Variants in SNTG1 observed in about 807,000 individuals in gnomAD.
The protein encoded by SNTG1 is syntrophin gamma 1, also known as gamma-1-syntrophin.
Under a neutral mutation model 74.7 loss-of-function variants are expected in SNTG1, and 39 were observed. That is an observed-to-expected ratio of 0.52 (90% CI 0.40 to 0.68). SNTG1 has a LOEUF of 0.68. Ranked by LOEUF, SNTG1 falls within the 30% of genes least tolerant of loss-of-function variation. SNTG1 has a pLI of 0.00. For missense variants in SNTG1, 685 were observed against 609.5 expected (o/e 1.12, Z -1.30); for synonymous variants, 254 against 217.1 (o/e 1.17, Z -1.49).
At chr8:50,547,362 A>G (rs1181987920) in intron 11 of SNTG1, among the ~76,000 whole-genome samples, 1 of 152,178 alleles carries the variant, frequency 6.6e-6, no homozygotes, top group African/African-American at 2.4e-5. Flanking sequence ...TTCGTCTGGC[A>G]TAAACCTCTT....
At chr8:49,992,823 T>C (rs1411077459) in intron 1 of SNTG1, among the ~76,000 whole-genome samples, 3 of 152,212 alleles carry the variant, frequency 2.0e-5, no homozygotes, top group Non-Finnish European at 4.4e-5. Context: ...TAGTTCAAAA[T>C]ATAATGCTGA....
At chr8:50,381,209 T>C (rs1188625216) in intron 2 of SNTG1, 1 of 152,070 alleles carries the variant, frequency 6.6e-6, no homozygotes, top group Non-Finnish European at 1.5e-5. Context: ...ATTATTTTCA[T>C]AGGGGCTTTT....
intron 2 of SNTG1, among the ~76,000 whole-genome samples, chr8:50,181,380 A>C (rs1025894547): frequency 6.6e-6 from 1 of 152,220 alleles, no homozygotes; most frequent in Non-Finnish European, 1.5e-5. Context: ...TTGCTTTAAT[A>C]TAATTTCAGC....
intron 2 of SNTG1, among the ~76,000 whole-genome samples, chr8:50,276,371 TTTTATATATATATA>T (rs1481690982): frequency 1.3e-5 from 1 of 78,382 alleles, no homozygotes; most frequent in African/African-American, 5.3e-5. Flanking sequence ...TGCAAGTAAA[TTTTATATATATATA>T]TATATATATA....
At chr8:50,697,222 T>C (rs1262872738) in intron 15 of SNTG1, among the ~76,000 whole-genome samples, 1 of 152,110 alleles carries the variant, frequency 6.6e-6, no homozygotes, top group African/African-American at 2.4e-5. Context: ...TGCCCTCCTT[T>C]CAACTGCATT....
Position 50,796,274 on chromosome 8 carries a change from G to A in SNTG1, c.*3445G>A, listed in dbSNP as rs1802808445. On this transcript the variant is annotated 3_prime_UTR_variant, in exon 19 of 19. Coordinates refer to ENST00000642720, the MANE Select transcript of SNTG1 (RefSeq NM_018967.5). ...TTAACTTTTTAAGGTAAGTGTAGAT[G>A]TTCGGATACTAATAACAAAGATTTT... The A allele has an allele frequency of 6.6e-6, 1 of 150,782 alleles. No homozygotes were observed. The allele number at this position is 150,782 out of a possible 1,614,324, so 9.3% of individuals were successfully genotyped here. A position where few individuals can be genotyped will look rare whatever the true frequency, so the allele number is the denominator to read the frequency against.
At chr8:50,151,671 A>C (rs1469081697) in intron 1 of SNTG1, among the ~76,000 whole-genome samples, 3 of 152,140 alleles carry the variant, frequency 2.0e-5, no homozygotes, top group African/African-American at 7.2e-5. Context: ...TTGTGTACCC[A>C]GTAGTCATTC....
rs74929522 is a variant in SNTG1, at chr8:50,161,951, C to T, written c.-102-10610C>T. 1.7e-3 allele frequency among the ~76,000 whole-genome samples: 256 copies of T among 151,820 alleles called. 4 individuals are homozygous for T. In the East Asian group the frequency reaches 0.046, roughly 27 times the overall value. On this transcript the variant is annotated intron_variant, in intron 1 of 18. Coordinates refer to ENST00000642720, the MANE Select transcript of SNTG1 (RefSeq NM_018967.5). Reference sequence around the variant, plus strand: ...CATTCAAAATCCTTCACAACCTGGCCGAAACTGCTTTTAGAAGAATGAAAG... The same window carrying T: ...CATTCAAAATCCTTCACAACCTGGCTGAAACTGCTTTTAGAAGAATGAAAG...
chr8:50,598,100 T>C (rs2094744365), intron 13 of SNTG1, among the ~76,000 whole-genome samples: 1 of 151,966 alleles, frequency 6.6e-6, no homozygotes, highest in East Asian at 1.9e-4. Context: ...ATTTTTGCTA[T>C]TGTCACCTGT....
chr8:50,103,174 G>T (rs1022396902), intron 1 of SNTG1, among the ~76,000 whole-genome samples: 1 of 152,140 alleles, frequency 6.6e-6, no homozygotes, highest in Non-Finnish European at 1.5e-5. Flanking sequence ...TCACGATATT[G>T]ATTCTTCCTA....
intron 12 of SNTG1, among the ~76,000 whole-genome samples, chr8:50,586,430 A>G (rs1363036814): frequency 2.6e-5 from 4 of 152,130 alleles, no homozygotes; most frequent in Non-Finnish European, 4.4e-5. Context: ...AGTCTTATGC[A>G]ACTACATTTT....
intron 5 of SNTG1, 84 bp from the exon 6 acceptor site, chr8:50,449,584 C>T: frequency 1.0e-6 from 1 of 993,010 alleles, no homozygotes; most frequent in Non-Finnish European, 1.4e-6. Flanking sequence ...ACTTAACATT[C>T]CCTTCAGAGC....
intron 1 of SNTG1, among the ~76,000 whole-genome samples, chr8:49,934,195 T>C (rs1807838089): frequency 6.6e-6 from 1 of 152,068 alleles, no homozygotes. Context: ...CTTAAATTGA[T>C]ACCTTCCCTG....
At chr8:49,987,671 C>T (rs372679497) in intron 1 of SNTG1, among the ~76,000 whole-genome samples, 6 of 81,816 alleles carry the variant, frequency 7.3e-5, no homozygotes, top group African/African-American at 2.1e-4. Context: ...TTTTTTGAAA[C>T]GGAGTCTGGC....
At chr8:50,354,131 G>C (rs1563933502) in intron 2 of SNTG1, among the ~76,000 whole-genome samples, 1 of 152,252 alleles carries the variant, frequency 6.6e-6, no homozygotes, top group East Asian at 1.9e-4. Flanking sequence ...CAGCCAGCCT[G>C]TTCTTTCTGC....
chr8:50,147,378 G>A (rs2081908461), intron 1 of SNTG1, among the ~76,000 whole-genome samples: 1 of 152,062 alleles, frequency 6.6e-6, no homozygotes, highest in Non-Finnish European at 1.5e-5. Context: ...TGTTTTGACT[G>A]GTAACTGTAA....
intron 17 of SNTG1, among the ~76,000 whole-genome samples, chr8:50,750,923 C>T (rs996766674): frequency 1.2e-4 from 18 of 151,684 alleles, no homozygotes; most frequent in African/African-American, 2.7e-4. Flanking sequence ...GAGGTATGCC[C>T]GTATATGCTT....
intron 8 of SNTG1, among the ~76,000 whole-genome samples, chr8:50,493,897 C>A (rs995577230): frequency 2.6e-5 from 4 of 151,480 alleles, no homozygotes; most frequent in East Asian, 1.9e-4. Flanking sequence ...TATTTTTCAA[C>A]AAATTTGATG....
At position 50,353,812 on chromosome 8, in the gene SNTG1, T is replaced by C. The variant is rs150811254; in HGVS notation, c.-27-40400T>C. 3.3e-5 allele frequency among the ~76,000 whole-genome samples: 5 copies of C among 152,084 alleles called. 1 individual carries two copies. Among genetic ancestry groups the C allele is most frequent in the Non-Finnish European group, 7.4e-5 (5 of 67,992 alleles). On this transcript the variant is annotated intron_variant, in intron 2 of 18. Transcript: ENST00000642720. ...TGCTTTAAATAAAAATGTGAAAGAGTGAAGAATTGATCAACGAAGACTGCA... is the reference window on the plus strand; with the variant it reads ...TGCTTTAAATAAAAATGTGAAAGAGCGAAGAATTGATCAACGAAGACTGCA...
Sources: allele counts gnomAD v4.1 joint callset (sites outside exome capture counted in the v4.1 genomes callset), GRCh38; gene constraint gnomAD v4.1.1; transcripts MANE v1.5; gene names NCBI Gene and HGNC (gene_info 2026-07-23, HGNC 2026-07-21).